BAZ2B: variants seen among roughly 807,000 people sequenced by gnomAD.
BAZ2B encodes the protein bromodomain adjacent to zinc finger domain 2B.
In BAZ2B, 91 loss-of-function variants were observed where a neutral mutation model predicts 246.0. The observed-to-expected ratio is 0.37, with a 90% CI of 0.31 to 0.44. BAZ2B has a LOEUF of 0.44. BAZ2B is among the 20% of genes least tolerant of loss of function. BAZ2B has a pLI of 1.00. For missense variants in BAZ2B, 2,332 were observed against 2,533.7 expected, an observed-to-expected ratio of 0.92 and a Z score of 1.71; for synonymous variants, 855 against 860.0, an observed-to-expected ratio of 0.99 and a Z score of 0.10.
At chr2:159,690,138 G>T in the BAZ2B span, 1 of 496,630 alleles carries the variant, frequency 2.0e-6, no homozygotes, top group Non-Finnish European at 3.6e-6. Context: ...TGACTCTTGA[G>T]GCCATCAGAT....
chr2:159,709,497 G>A, the BAZ2B span, among the ~76,000 whole-genome samples: 2 of 152,220 alleles, frequency 1.3e-5, no homozygotes, highest in South Asian at 4.1e-4. Flanking sequence ...CTAGATGATG[G>A]TTATCCTAAA....
At chr2:159,486,240 C>T (rs1169792393) in intron 2 of BAZ2B, among the ~76,000 whole-genome samples, 1 of 151,764 alleles carries the variant, frequency 6.6e-6, no homozygotes, top group East Asian at 1.9e-4. Context: ...CCAAGGGGCT[C>T]CAAAGAACAA....
the BAZ2B span, among the ~76,000 whole-genome samples, chr2:159,674,639 C>T: frequency 7.9e-5 from 12 of 151,392 alleles, no homozygotes; most frequent in South Asian, 1.9e-3. Context: ...TCACTTGAAC[C>T]TGGGAGGCAG....
chr2:159,484,018 C>G (rs1337260868), intron 2 of BAZ2B, among the ~76,000 whole-genome samples: 1 of 152,122 alleles, frequency 6.6e-6, no homozygotes, highest in Non-Finnish European at 1.5e-5. Flanking sequence ...TTCTGACACA[C>G]CATCTCCCCC....
intron 21 of BAZ2B, among the ~76,000 whole-genome samples, chr2:159,388,236 T>C (rs1439858102): frequency 6.6e-6 from 1 of 152,120 alleles, no homozygotes; most frequent in African/African-American, 2.4e-5. Context: ...TAATTAAGTA[T>C]AATAATATAG....
chr2:159,499,796 GT>G (rs1169592054), intron 2 of BAZ2B, among the ~76,000 whole-genome samples: 1 of 152,070 alleles, frequency 6.6e-6, no homozygotes, highest in African/African-American at 2.4e-5. Context: ...TTTTTCATAT[GT>G]TTGTTGGCCA....
rs2062134030 is a variant in BAZ2B, at chr2:159,382,671, T to C, written c.3893A>G (p.Asp1298Gly). The change falls in exon 25 of 37, where the codon GAT becomes GGT. Residue 1298 changes from aspartate (D) to glycine (G), a missense_variant. This residue lies in a region of BAZ2B where 676 missense variants were observed against 668.6 expected (regional missense o/e 1.01). Transcript: ENST00000392783. ...RKRRRKGGDS[D>G]YDDDDDDDSD... is the part of the protein sequence containing the mutation. ...GTCATCGTCATCATCATCGTCATAA[T>C]CACTGTCTCCTCCCTTCCTTCTTCG... 1 of 1,608,006 alleles carries C rather than the reference T, an allele frequency of 6.2e-7. No individual in the cohort carries two copies. The highest frequency in any genetic ancestry group is 8.5e-7 in the Non-Finnish European group (1 of 1,176,480).
At position 159,544,448 on chromosome 2, in the gene BAZ2B, C is replaced by G. The variant is rs564984483; in HGVS notation, c.-3+11375G>C. Reference sequence around the variant, plus strand: ...AGATAACTAATATTTCTACCTTGAGCGGCTAAGTAGATGTTGATATCATTG... The same window carrying G: ...AGATAACTAATATTTCTACCTTGAGGGGCTAAGTAGATGTTGATATCATTG... On this transcript the variant is annotated intron_variant, in intron 2 of 36. Transcript: ENST00000392783. 2.0e-5 allele frequency among the ~76,000 whole-genome samples: 3 copies of G among 152,166 alleles called. No individual in the cohort carries two copies. The South Asian group carries it at 6.2e-4, about 32-fold the overall frequency.
At position 159,386,374 on chromosome 2, in the gene BAZ2B, T is replaced by C; in HGVS notation, c.3450A>G (p.Pro1150=). ...VRLLSAAVCD[P]GLITGYKAKT... The stretch of plus-strand genomic sequence containing the variant: ...TTACCTTGTATCCTGTTATTAGACC[T>C]GGATCACATACAGCAGCTGAGAGGA... Residue 1150 remains proline, a synonymous_variant, in exon 22 of 37, where the codon CCA becomes CCG. Coordinates refer to ENST00000392783, the MANE Select transcript of BAZ2B (RefSeq NM_013450.4). 5.0e-6 allele frequency: 8 copies of C among 1,612,822 alleles called. No individual in the cohort carries two copies. The highest frequency in any genetic ancestry group is 5.1e-6 in the Non-Finnish European group (6 of 1,179,420).
chr2:159,377,851 ATGACACATCTCCTTT>A (rs2061583757), intron 25 of BAZ2B, among the ~76,000 whole-genome samples: 1 of 151,704 alleles, frequency 6.6e-6, no homozygotes, highest in East Asian at 1.9e-4. Flanking sequence ...ACTACCTTAA[ATGACACATCTCCTTT>A]AAAACTTTAA....
intron 33 of BAZ2B, among the ~76,000 whole-genome samples, chr2:159,335,543 C>CAAAA (rs10590482): frequency 8.9e-6 from 1 of 112,224 alleles, no homozygotes; most frequent in Admixed American, 9.0e-5. Flanking sequence ...GACTCTGTCT[C>CAAAA]AAAAAAAAAA....
intron 3 of BAZ2B, chr2:159,460,259 C>T (rs2076243513): frequency 6.6e-6 from 1 of 151,950 alleles, no homozygotes; most frequent in African/African-American, 2.4e-5. Context: ...AAGGTTTTCC[C>T]CCTATCAGAA....
chr2:159,557,625 T>C (rs2089347046), intron 1 of BAZ2B, among the ~76,000 whole-genome samples: 1 of 152,270 alleles, frequency 6.6e-6, no homozygotes, highest in East Asian at 1.9e-4. Flanking sequence ...CGCCACCTCC[T>C]TAGAGAGGCC....
At chr2:159,338,876 A>G (rs1255235295) in intron 31 of BAZ2B, among the ~76,000 whole-genome samples, 1 of 152,032 alleles carries the variant, frequency 6.6e-6, no homozygotes, top group Non-Finnish European at 1.5e-5. Context: ...AAATTCATAC[A>G]TTACTCTGTT....
At chr2:159,328,093 A>G (rs78083373) in intron 34 of BAZ2B, among the ~76,000 whole-genome samples, 2 of 148,114 alleles carry the variant, frequency 1.4e-5, no homozygotes, top group African/African-American at 5.0e-5. Context: ...AAAAAAAAAG[A>G]AAGTATGAAA....
intron 23 of BAZ2B, 110 bp downstream of exon 23, chr2:159,385,045 T>C: frequency 1.8e-6 from 2 of 1,085,866 alleles, no homozygotes; most frequent in Non-Finnish European, 2.7e-6. Context: ...TTAATTTTCT[T>C]CTTTGTGCTA....
chr2:159,455,178 T>A (rs1333772655), intron 3 of BAZ2B, among the ~76,000 whole-genome samples: 1 of 152,138 alleles, frequency 6.6e-6, no homozygotes, highest in Non-Finnish European at 1.5e-5. Context: ...CATAGTATGT[T>A]TGAAATTTAC....
intron 2 of BAZ2B, among the ~76,000 whole-genome samples, chr2:159,493,826 G>A (rs2080773405): frequency 6.6e-6 from 1 of 152,178 alleles, no homozygotes; most frequent in African/African-American, 2.4e-5. Context: ...AGGTTTTACT[G>A]GCAGAAGAGG....
the BAZ2B span, among the ~76,000 whole-genome samples, chr2:159,640,654 T>C: frequency 5.9e-5 from 9 of 151,864 alleles, no homozygotes; most frequent in African/African-American, 2.2e-4. Context: ...TTGAAACAAA[T>C]AATGGAAACA....
Sources: allele counts gnomAD v4.1 joint callset (sites outside exome capture counted in the v4.1 genomes callset), GRCh38; gene constraint gnomAD v4.1.1; regional missense constraint gnomAD v4.1.1; transcripts MANE v1.5; gene names NCBI Gene and HGNC (gene_info 2026-07-23, HGNC 2026-07-21).